HTRA4: variants seen among roughly 807,000 people sequenced by gnomAD.
HTRA4 encodes the protein HtrA serine peptidase 4.
In HTRA4, 46 loss-of-function variants were observed where a neutral mutation model predicts 49.1. That is an observed-to-expected ratio of 0.94 (90% CI 0.74 to 1.20). HTRA4 has a LOEUF of 1.20. HTRA4 is among the 50% of genes most tolerant of loss of function. HTRA4 has a pLI of 0.00. For synonymous variants in HTRA4, 261 were observed against 264.0 expected, an observed-to-expected ratio of 0.99 and a Z score of 0.11; for missense variants, 602 against 636.9, an observed-to-expected ratio of 0.95 and a Z score of 0.59.
In HTRA4 at chr8:38,988,006, G is replaced by A. The variant is rs775728793; in HGVS notation, c.1339G>A (p.Val447Ile). 2 of 1,612,388 alleles carry A rather than the reference G, an allele frequency of 1.2e-6. No individual in the cohort carries two copies. The highest frequency in any genetic ancestry group is 2.2e-5 in the East Asian group (1 of 44,816). Residue 447 changes from valine to isoleucine, a missense_variant, in exon 9 of 9, where the codon GTT (valine) becomes ATT (isoleucine). By Grantham distance (29) the Val-to-Ile change is conservative. Coordinates refer to ENST00000302495, the MANE Select transcript of HTRA4 (RefSeq NM_153692.4). ...ACCTATTACTACTACAACTGATGTTGTTAAAGCTCTTGACAGTGATTCCCT... is the reference window on the plus strand; with the variant it reads ...ACCTATTACTACTACAACTGATGTTATTAAAGCTCTTGACAGTGATTCCCT... ...GKPITTTTDV[V>I]KALDSDSLSM...
chr8:38,983,126 A>G (rs1283159026), intron 8 of HTRA4, 78 bp downstream of exon 8: 1 of 898,080 alleles, frequency 1.1e-6, no homozygotes, highest in East Asian at 2.5e-5. Context: ...TGGGGGATCC[A>G]GACTTGATCT....
chr8:38,976,216 A>T (rs1021353124), intron 2 of HTRA4, among the ~76,000 whole-genome samples: 1 of 152,210 alleles, frequency 6.6e-6, no homozygotes, highest in Admixed American at 6.5e-5. Flanking sequence ...GTTCGAGAGC[A>T]GCCTGGCCAA....
intron 3 of HTRA4, 127 bp downstream of exon 3, chr8:38,976,866 C>T (rs1048468243): frequency 1.1e-6 from 1 of 869,764 alleles, no homozygotes; most frequent in Non-Finnish European, 1.8e-6. Flanking sequence ...TCTCTGGTTT[C>T]TTTCTGTTCT....
Position 38,981,762 on chromosome 8 carries a change from T to C in HTRA4, c.1109T>C (p.Met370Thr). 6.8e-6 allele frequency: 11 copies of C among 1,607,718 alleles called. No individual in the cohort carries two copies. The highest frequency in any genetic ancestry group is 2.7e-5 in the African/African-American group (2 of 74,758). Residue 370 changes from methionine (M) to threonine (T), a missense_variant, in exon 6 of 9, where the codon ATG (methionine) becomes ACG (threonine). Transcript: ENST00000302495. ...TTGGCAGAATACCATGAGCACCAGA[T>C]GAAAGGTAAAGCAAGTTGGGATTTT... Reference protein sequence around the residue: ...QFLAEYHEHQMKGKAFSNKKY... With the variant: ...QFLAEYHEHQTKGKAFSNKKY...
chr8:38,974,819 G>GCCTGGTCCTCCTGCGTCATTTGCCT, intron 1 of HTRA4, 90 bp downstream of exon 1: 1 of 1,285,916 alleles, frequency 7.8e-7, no homozygotes, highest in South Asian at 1.5e-5. Context: ...CACAGTTCGC[G>GCCTGGTCCTCCTGCGTCATTTGCCT]CCTGGTCCTC....
intron 3 of HTRA4, among the ~76,000 whole-genome samples, 176 bp downstream of exon 3, chr8:38,976,915 G>A (rs1835358242): frequency 6.6e-6 from 1 of 151,764 alleles, no homozygotes; most frequent in Admixed American, 6.6e-5. Flanking sequence ...ACGCCTTTCT[G>A]TATATCCCTA....
chr8:38,975,392 G>A (rs1835337531), intron 2 of HTRA4, among the ~76,000 whole-genome samples: 2 of 152,188 alleles, frequency 1.3e-5, no homozygotes, highest in Non-Finnish European at 2.9e-5. Context: ...TTTAAGGTCA[G>A]ATATAAGAGC....
chr8:38,984,004 AG>A (rs1564181430), intron 8 of HTRA4, among the ~76,000 whole-genome samples: 3 of 53,866 alleles, frequency 5.6e-5, no homozygotes, highest in African/African-American at 1.6e-4. Flanking sequence ...ATTCATTAAT[AG>A]TTTTTTTTTC....
At chr8:38,984,005 G>GT (rs1481439656) in intron 8 of HTRA4, among the ~76,000 whole-genome samples, 4 of 150,552 alleles carry the variant, frequency 2.7e-5, no homozygotes, top group Admixed American at 6.6e-5. Context: ...TTCATTAATA[G>GT]TTTTTTTTTC....
intron 5 of HTRA4, among the ~76,000 whole-genome samples, chr8:38,980,245 T>G (rs890196858): frequency 6.6e-6 from 1 of 152,180 alleles, no homozygotes; most frequent in Non-Finnish European, 1.5e-5. Context: ...TTACATTTGC[T>G]TTTAGAATGA....
At chr8:38,977,266 C>CTT (rs34914364) in intron 3 of HTRA4, among the ~76,000 whole-genome samples, 139 of 141,346 alleles carry the variant, frequency 9.8e-4, no homozygotes, top group East Asian at 1.6e-3. Context: ...ATCAAGCAGT[C>CTT]TTTTTTTTTT....
chr8:38,974,405 C>T lies in HTRA4; in HGVS notation c.142C>T (p.Arg48Cys). 1.3e-6 allele frequency: 2 copies of T among 1,554,460 alleles called. No individual in the cohort carries two copies. Among genetic ancestry groups the T allele is most frequent in the East Asian group, 2.4e-5 (1 of 41,644 alleles). Reference protein sequence around the residue: ...PSCPAVCQPTRCPALPTCALG... With the variant: ...PSCPAVCQPTCCPALPTCALG... ...CTGCCCCGCGGTCTGCCAGCCCACG[C>T]GCTGCCCCGCGCTGCCCACCTGCGC... Residue 48 changes from arginine to cysteine, a missense_variant, in exon 1 of 9, where the codon CGC becomes TGC. Physicochemically the swap from Arg to Cys is radical, Grantham distance 180 (BLOSUM62 -3). Coordinates refer to ENST00000302495, the MANE Select transcript of HTRA4 (RefSeq NM_153692.4).
Position 38,974,689 on chromosome 8 carries a change from C to A in HTRA4, c.426C>A (p.Val142=). Reference sequence around the variant, plus strand: ...GCGCCGCGCGCCGCCTGGGCAAGGTCCCGGCCGTGCCTGTGCAGTGGGGGA... The same window carrying A: ...GCGCCGCGCGCCGCCTGGGCAAGGTACCGGCCGTGCCTGTGCAGTGGGGGA... ...ENRAARRLGK[V]PAVPVQWGNC... is the part of the protein sequence containing the mutation. The change falls in exon 1 of 9, where the codon GTC becomes GTA. Residue 142 remains valine, a synonymous_variant. Coordinates refer to ENST00000302495, the MANE Select transcript of HTRA4 (RefSeq NM_153692.4). 11 of 1,410,546 alleles carry A rather than the reference C, an allele frequency of 7.8e-6. No homozygotes were observed. Among genetic ancestry groups the A allele is most frequent in the Non-Finnish European group, 1.0e-5 (11 of 1,093,014 alleles). The allele number at this position is 1,410,546 out of a possible 1,614,324, so 87.4% of individuals were successfully genotyped here. A position where few individuals can be genotyped will look rare whatever the true frequency, so the allele number is the denominator to read the frequency against.
At chr8:38,985,863 A>G (rs1275738695) in intron 8 of HTRA4, among the ~76,000 whole-genome samples, 2 of 152,226 alleles carry the variant, frequency 1.3e-5, no homozygotes, top group East Asian at 1.9e-4. Flanking sequence ...ATTCATGTGT[A>G]TGTTAAAATG....
Position 38,979,090 on chromosome 8 carries a change from C to T in HTRA4, c.967-125C>T, listed in dbSNP as rs115356122. ...GGTGATGATAGGGGCACAATTTTGC[C>T]GGCCTGGGGGGAATAGGAGCTTGGT... On this transcript the variant is annotated intron_variant, in intron 4 of 8. Transcript: ENST00000302495. 2.6e-3 allele frequency: 2,209 copies of T among 844,144 alleles called. 35 individuals carry two copies. In the African/African-American group the frequency reaches 0.033, roughly 13 times the overall value. 52.3% of individuals were successfully genotyped at this position (844,144 alleles called of 1,614,324 possible).
intron 5 of HTRA4, among the ~76,000 whole-genome samples, chr8:38,979,568 A>T (rs1037202878): frequency 1.3e-5 from 2 of 152,114 alleles, no homozygotes; most frequent in Non-Finnish European, 2.9e-5. Flanking sequence ...CTGGTGTGTG[A>T]TCTCATCCCA....
Position 38,988,528 on chromosome 8 carries a change from C to G in HTRA4, c.*430C>G, listed in dbSNP as rs1271748045. The G allele has an allele frequency of 6.5e-6, 1 of 153,880 alleles. No homozygotes were observed. The highest frequency in any genetic ancestry group is 1.4e-5 in the Non-Finnish European group (1 of 69,384). The allele number at this position is 153,880 out of a possible 1,614,324, so 9.5% of individuals were successfully genotyped here. A position where few individuals can be genotyped will look rare whatever the true frequency, so the allele number is the denominator to read the frequency against. ...CATTAGCAAAAATAGCTAATGCATGCTGGGCTTAACACCCAGGTGATGGGT... is the reference window on the plus strand; with the variant it reads ...CATTAGCAAAAATAGCTAATGCATGGTGGGCTTAACACCCAGGTGATGGGT... On this transcript the variant is annotated 3_prime_UTR_variant, in exon 9 of 9. Transcript: ENST00000302495.
At position 38,987,986 on chromosome 8, in the gene HTRA4, TTAC is replaced by T. The variant is rs1163108402; in HGVS notation, c.1326_1328del (p.Thr444del). The T allele has an allele frequency of 1.2e-6, 2 of 1,609,864 alleles. No homozygotes were observed. The highest frequency in any genetic ancestry group is 2.7e-5 in the African/African-American group (2 of 74,698). On this transcript the variant is annotated inframe_deletion, in exon 9 of 9. Coordinates refer to ENST00000302495, the MANE Select transcript of HTRA4 (RefSeq NM_153692.4). ...ATTGTCAACATAAATGGGAAACCTA[TTAC>T]TACTACAACTGATGTTGTTAAAGCT...
intron 4 of HTRA4, among the ~76,000 whole-genome samples, 195 bp downstream of exon 4, chr8:38,978,342 A>G (rs1835378792): frequency 6.6e-6 from 1 of 152,200 alleles, no homozygotes; most frequent in Non-Finnish European, 1.5e-5. Context: ...TGAACTGCGC[A>G]TGCAAGGGAT....
Sources: gnomAD v4.1 joint callset for allele counts (sites outside exome capture counted in the v4.1 genomes callset) on GRCh38, gnomAD v4.1.1 for gene constraint, MANE v1.5 for transcripts, NCBI Gene and HGNC (gene_info 2026-07-23, HGNC 2026-07-21) for gene names.